The following KYAT1 variants were observed in gnomAD, a reference collection of about 807,000 sequenced individuals.
KYAT1 encodes the protein kynurenine aminotransferase 1, also known as kynurenine--oxoglutarate transaminase 1.
A neutral mutation model predicts 52.4 loss-of-function variants in KYAT1; 47 were observed. The ratio of observed to expected loss-of-function variants is 0.90; its 90% CI spans 0.71 to 1.14. KYAT1 has a LOEUF of 1.14. KYAT1 is among the 50% of genes most tolerant of loss of function. The pLI, the probability that KYAT1 is intolerant of heterozygous loss-of-function variation, is 0.00. For missense variants in KYAT1, 480 were observed against 557.9 expected (o/e 0.86, Z 1.41); for synonymous variants, 212 against 209.6 (o/e 1.01, Z -0.10).
chr9:128,844,563 G>A (rs1424313641), intron 2 of KYAT1, among the ~76,000 whole-genome samples: 4 of 152,026 alleles, frequency 2.6e-5, no homozygotes, highest in South Asian at 2.1e-4. Context: ...GGTGGCGCAC[G>A]CCTGTAATCC....
intron 1 of KYAT1, among the ~76,000 whole-genome samples, chr9:128,871,007 C>T (rs1391387647): frequency 6.6e-6 from 1 of 151,648 alleles, no homozygotes; most frequent in African/African-American, 2.4e-5. Flanking sequence ...CAATATAACC[C>T]ATTTACATTT....
chr9:128,865,350 T>TACATACATATATATATATACATAC (rs1836188587), intron 1 of KYAT1, among the ~76,000 whole-genome samples: 1 of 3,764 alleles, frequency 2.7e-4, no homozygotes, highest in Admixed American at 4.5e-3. Flanking sequence ...TATATATATA[T>TACATACATATATATATATACATAC]ATATATATAT....
At chr9:128,843,678 G>A (rs886858693) in intron 2 of KYAT1, among the ~76,000 whole-genome samples, 7 of 152,090 alleles carry the variant, frequency 4.6e-5, no homozygotes, top group African/African-American at 1.7e-4. Flanking sequence ...CACCACTACC[G>A]GCCAAGAAAT....
In KYAT1 at chr9:128,857,442, A is replaced by G. The variant is rs962919024; in HGVS notation, c.-6-12031T>C. ...ATGAGATACCCACAGGTGTGGAGGG[A>G]CAGGCCACCGCTTCACTCAGCTTCC... On this transcript the variant is annotated intron_variant, in intron 1 of 12. Coordinates refer to ENST00000302586, the MANE Select transcript of KYAT1 (RefSeq NM_004059.5). 3.3e-5 allele frequency among the ~76,000 whole-genome samples: 5 copies of G among 152,156 alleles called. No individual in the cohort carries two copies. In the East Asian group the frequency reaches 5.8e-4, roughly 18 times the overall value.
At chr9:128,874,722 C>CTTT (rs201788280) in intron 1 of KYAT1, among the ~76,000 whole-genome samples, 11 of 123,690 alleles carry the variant, frequency 8.9e-5, no homozygotes, top group Non-Finnish European at 1.4e-4. Flanking sequence ...ATAATCCTGC[C>CTTT]TTTTTTTTTT....
At chr9:128,882,384 A>C, upstream of KYAT1, 9 of 230,654 alleles carry the variant, frequency 3.9e-5, no homozygotes, top group South Asian at 1.8e-4. Flanking sequence ...CCCCCTGGGG[A>C]CCTCCCGCGG....
intron 1 of KYAT1, chr9:128,847,408 A>C (rs1170838897): frequency 6.8e-7 from 1 of 1,471,110 alleles, no homozygotes; most frequent in East Asian, 2.5e-5. Context: ...TGCAGGTGGC[A>C]GAGTATTGGG....
At chr9:128,880,552 C>T (rs1025123910) in intron 1 of KYAT1, among the ~76,000 whole-genome samples, 2 of 151,988 alleles carry the variant, frequency 1.3e-5, no homozygotes, top group African/African-American at 4.8e-5. Flanking sequence ...TGCCATTCTC[C>T]TGCCTCAGCC....
chr9:128,838,158 G>C, intron 4 of KYAT1, 21 bp from the exon 5 acceptor site: 1 of 1,614,052 alleles, frequency 6.2e-7, no homozygotes, highest in South Asian at 1.1e-5. Context: ...GGTCAAATCA[G>C]CTGGAGTCAG....
At chr9:128,880,885 T>C (rs1017716430) in intron 1 of KYAT1, among the ~76,000 whole-genome samples, 1 of 152,154 alleles carries the variant, frequency 6.6e-6, no homozygotes, top group Non-Finnish European at 1.5e-5. Flanking sequence ...ATCTTCATCA[T>C]CTTATTTTTA....
chr9:128,863,194 C>A (rs1835695122), intron 1 of KYAT1, among the ~76,000 whole-genome samples: 1 of 151,844 alleles, frequency 6.6e-6, no homozygotes, highest in African/African-American at 2.4e-5. Flanking sequence ...AGGATCAGGC[C>A]CCAAGTAGAC....
At position 128,835,490 on chromosome 9, in the gene KYAT1, A is replaced by C. The variant is rs1383672945; in HGVS notation, c.1033T>G (p.Ser345Ala). ...GGCAAGTCTCACTCACTGAAGTCTG[A>C]GATGTCTGTGATGAGGAAGTAGCTG... ...QGSYFLITDI[S>A]DFKRKMPDLP... Residue 345 changes from serine to alanine, a missense_variant, in exon 10 of 13, where the codon TCA becomes GCA. Transcript: ENST00000302586. 1 of 1,613,754 alleles carries C rather than the reference A, an allele frequency of 6.2e-7. No homozygotes were observed. Among genetic ancestry groups the C allele is most frequent in the East Asian group, 2.2e-5 (1 of 44,896 alleles).
In KYAT1 at chr9:128,837,692, A is replaced by AG; in HGVS notation, c.559dup (p.Leu187ProfsTer21). ...AGGAGGTCCCTCCAGTACCTTGCCC[A>AG]GGGGGTTGTTGGGGGTGTTGAGGAC... On this transcript the variant is annotated frameshift_variant, in exon 6 of 13. Coordinates refer to ENST00000302586, the MANE Select transcript of KYAT1 (RefSeq NM_004059.5). LOFTEE classifies it high-confidence loss of function. The AG allele has an allele frequency of 1.9e-6, 3 of 1,614,134 alleles. No homozygotes were observed. Among genetic ancestry groups the AG allele is most frequent in the Non-Finnish European group, 2.5e-6 (3 of 1,180,000 alleles).
intron 1 of KYAT1, among the ~76,000 whole-genome samples, chr9:128,850,914 C>T (rs1833875759): frequency 6.6e-6 from 1 of 152,206 alleles, no homozygotes; most frequent in Non-Finnish European, 1.5e-5. Flanking sequence ...ATAAATCCGG[C>T]CTACATGCAC....
intron 1 of KYAT1, among the ~76,000 whole-genome samples, chr9:128,871,495 GC>G (rs1837224526): frequency 6.6e-6 from 1 of 152,196 alleles, no homozygotes; most frequent in East Asian, 1.9e-4. Flanking sequence ...GAGGACTGGA[GC>G]TCAGGATTTC....
intron 1 of KYAT1, among the ~76,000 whole-genome samples, chr9:128,862,241 C>T (rs1835558945): frequency 6.6e-6 from 1 of 152,190 alleles, no homozygotes; most frequent in Non-Finnish European, 1.5e-5. Flanking sequence ...GGGCTCAAGG[C>T]ATCCTCCTGC....
chr9:128,855,072 T>C (rs1053149369), intron 1 of KYAT1, among the ~76,000 whole-genome samples: 2 of 152,212 alleles, frequency 1.3e-5, no homozygotes, highest in African/African-American at 4.8e-5. Context: ...GGACCTTGCC[T>C]CAAGGAAATT....
chr9:128,834,497 C>T (rs1830651672), intron 11 of KYAT1, among the ~76,000 whole-genome samples: 1 of 151,946 alleles, frequency 6.6e-6, no homozygotes, highest in African/African-American at 2.4e-5. Flanking sequence ...GGAAATCCTG[C>T]CAGCCCACAC....
chr9:128,874,130 C>A (rs1047578803), intron 1 of KYAT1, among the ~76,000 whole-genome samples: 4 of 151,094 alleles, frequency 2.6e-5, no homozygotes, highest in African/African-American at 9.7e-5. Flanking sequence ...GTGGCGGGCG[C>A]CTGTGATCCC....
Sources: allele counts gnomAD v4.1 joint callset (sites outside exome capture counted in the v4.1 genomes callset), GRCh38; gene constraint gnomAD v4.1.1; transcripts MANE v1.5; gene names NCBI Gene and HGNC (gene_info 2026-07-23, HGNC 2026-07-21).